TNR: variants seen among roughly 807,000 people sequenced by gnomAD.
TNR encodes the protein tenascin-R.
TNR carries 45 observed loss-of-function variants against 150.4 expected under a neutral mutation model. That is an observed-to-expected ratio of 0.30 (90% CI 0.24 to 0.38). The LOEUF (loss-of-function observed/expected upper bound fraction) is 0.38. Ranked by LOEUF, TNR falls within the 10% of genes least tolerant of loss-of-function variation. The pLI, the probability that TNR is intolerant of heterozygous loss-of-function variation, is 1.00. For missense variants in TNR, 1,544 were observed against 1,759.1 expected (o/e 0.88, Z 2.19); for synonymous variants, 687 against 678.4 (o/e 1.01, Z -0.20).
chr1:175,659,651 T>C (rs999909094), intron 1 of TNR, among the ~76,000 whole-genome samples: 10 of 152,188 alleles, frequency 6.6e-5, no homozygotes, highest in African/African-American at 2.4e-4. Flanking sequence ...CACTGCTTCT[T>C]CAGTCTCCCC....
intron 1 of TNR, among the ~76,000 whole-genome samples, chr1:175,679,305 C>T (rs1469814771): frequency 1.3e-5 from 2 of 152,178 alleles, no homozygotes. Context: ...GGCTCCTGGG[C>T]CAGACAGCTG....
rs747948426 is a variant in TNR at position 175,367,236 on chromosome 1, G to A, written c.2025C>T (p.Ser675=). ...GISAVMNSQQ[S]VPATMNARTE... ...TCCTGGCATTCATGGTGGCTGGCAC[G>A]CTTTGCTGTGAGTTCATGACGGCAG... Residue 675 remains serine (S), a synonymous_variant, in exon 10 of 23, where the codon AGC becomes AGT. Transcript: ENST00000367674. The A allele has an allele frequency of 2.2e-5, 36 of 1,614,028 alleles. No homozygotes were observed. Among genetic ancestry groups the A allele is most frequent in the Admixed American group, 1.0e-4 (6 of 60,000 alleles).
chr1:175,717,279 C>A (rs1667180671), intron 1 of TNR, among the ~76,000 whole-genome samples: 1 of 152,008 alleles, frequency 6.6e-6, no homozygotes, highest in Non-Finnish European at 1.5e-5. Flanking sequence ...TATAAAAGTT[C>A]TAGTAGAGTA....
intron 2 of TNR, among the ~76,000 whole-genome samples, chr1:175,495,128 G>A (rs1658431266): frequency 6.6e-6 from 1 of 152,074 alleles, no homozygotes; most frequent in African/African-American, 2.4e-5. Flanking sequence ...GACTCATACT[G>A]GGCCAGGCAA....
intron 2 of TNR, among the ~76,000 whole-genome samples, chr1:175,484,472 T>C (rs1657928358): frequency 1.3e-5 from 2 of 152,268 alleles, no homozygotes; most frequent in South Asian, 4.1e-4. Context: ...AGTCCACTCT[T>C]TCCTTTTGCA....
intron 1 of TNR, among the ~76,000 whole-genome samples, chr1:175,611,298 T>C (rs1467199177): frequency 6.6e-6 from 1 of 152,122 alleles, no homozygotes; most frequent in Non-Finnish European, 1.5e-5. Flanking sequence ...TTTTTATTTT[T>C]CTAGGCACCT....
intron 1 of TNR, among the ~76,000 whole-genome samples, chr1:175,630,229 G>T (rs1028798372): frequency 1.3e-4 from 20 of 152,188 alleles, no homozygotes; most frequent in Non-Finnish European, 2.5e-4. Flanking sequence ...GAGTAGCAAG[G>T]TCCCATTCTG....
At chr1:175,608,076 GC>G (rs1663471791) in intron 1 of TNR, among the ~76,000 whole-genome samples, 1 of 152,192 alleles carries the variant, frequency 6.6e-6, no homozygotes, top group South Asian at 2.1e-4. Context: ...CTAGATTGCA[GC>G]TCACCCTGGA....
intron 1 of TNR, among the ~76,000 whole-genome samples, chr1:175,589,447 T>A (rs1180404427): frequency 6.6e-6 from 1 of 152,188 alleles, no homozygotes; most frequent in Non-Finnish European, 1.5e-5. Flanking sequence ...ACTCATGTAC[T>A]CACTCAGTCA....
intron 2 of TNR, among the ~76,000 whole-genome samples, chr1:175,413,887 C>T (rs1654320433): frequency 6.6e-6 from 1 of 152,192 alleles, no homozygotes; most frequent in African/African-American, 2.4e-5. Flanking sequence ...AATCTCAGCA[C>T]TTTGAGAGGC....
chr1:175,467,447 T>C (rs1167280307), intron 2 of TNR, among the ~76,000 whole-genome samples: 2 of 152,224 alleles, frequency 1.3e-5, no homozygotes, highest in African/African-American at 4.8e-5. Flanking sequence ...AGTGACCCCA[T>C]GGAGAATTTC....
chr1:175,546,172 G>C (rs1241464132), intron 1 of TNR, among the ~76,000 whole-genome samples: 1 of 152,166 alleles, frequency 6.6e-6, no homozygotes, highest in Non-Finnish European at 1.5e-5. Context: ...AGAGGAGGAA[G>C]CCAAGCTCAT....
chr1:175,590,731 G>A (rs1278640778), intron 1 of TNR, among the ~76,000 whole-genome samples: 3 of 152,256 alleles, frequency 2.0e-5, no homozygotes, highest in Non-Finnish European at 2.9e-5. Context: ...GCAATGGCAA[G>A]ATGAGTGGTT....
At chr1:175,541,876 A>C (rs1334532285) in intron 1 of TNR, among the ~76,000 whole-genome samples, 1 of 152,232 alleles carries the variant, frequency 6.6e-6, no homozygotes, top group Non-Finnish European at 1.5e-5. Context: ...TGTTAGTCTG[A>C]ACCATATGAA....
intron 1 of TNR, among the ~76,000 whole-genome samples, chr1:175,733,824 GT>G (rs1161936101): frequency 1.3e-5 from 2 of 152,134 alleles, no homozygotes; most frequent in Non-Finnish European, 2.9e-5. Flanking sequence ...CCTCTCGAGG[GT>G]CCAGTCTGGA....
chr1:175,739,222 GCAGAGGACATCAGCAACCT>G (rs1667855686), intron 1 of TNR, among the ~76,000 whole-genome samples: 1 of 152,140 alleles, frequency 6.6e-6, no homozygotes, highest in African/African-American at 2.4e-5. Flanking sequence ...ATGGAAGGAG[GCAGAGGACATCAGCAACCT>G]CTGAACATGT....
intron 18 of TNR, among the ~76,000 whole-genome samples, chr1:175,350,912 C>T (rs543537865): frequency 6.6e-6 from 1 of 152,234 alleles, no homozygotes; most frequent in South Asian, 2.1e-4. Context: ...TCAGAGAAGG[C>T]ATAGAAAACA....
intron 2 of TNR, among the ~76,000 whole-genome samples, chr1:175,418,438 T>C (rs1315578557): frequency 6.6e-6 from 1 of 152,164 alleles, no homozygotes; most frequent in African/African-American, 2.4e-5. Context: ...GAAAAGGCAG[T>C]TGAGGCCGGG....
intron 1 of TNR, among the ~76,000 whole-genome samples, chr1:175,571,506 C>T (rs144444094): frequency 6.6e-6 from 1 of 152,330 alleles, no homozygotes; most frequent in Non-Finnish European, 1.5e-5. Context: ...AAAAAGCTGG[C>T]AAGTGCCCCA....
Sources: gnomAD v4.1 joint callset for allele counts (sites outside exome capture counted in the v4.1 genomes callset) on GRCh38, gnomAD v4.1.1 for gene constraint, MANE v1.5 for transcripts, NCBI Gene and HGNC (gene_info 2026-07-23, HGNC 2026-07-21) for gene names.